The following TENM3 variants were observed in gnomAD, a reference collection of about 807,000 sequenced individuals.
The protein encoded by TENM3 is teneurin-3.
In TENM3, 63 loss-of-function variants were observed where a neutral mutation model predicts 255.1. The ratio of observed to expected loss-of-function variants is 0.25; its 90% CI spans 0.20 to 0.30. The LOEUF (loss-of-function observed/expected upper bound fraction) is 0.30, where lower values mean the gene tolerates loss of function less well. Among genes scored for constraint, TENM3 ranks in the 10% least tolerant of loss-of-function variants. The pLI is 1.00. For missense variants in TENM3, 2,929 were observed against 3,461.1 expected, an observed-to-expected ratio of 0.85 and a Z score of 3.86; for synonymous variants, 1,306 against 1,322.3, an observed-to-expected ratio of 0.99 and a Z score of 0.27.
chr4:182,562,020 A>ATAGG (rs1743242981), intron 3 of TENM3, among the ~76,000 whole-genome samples: 1 of 151,982 alleles, frequency 6.6e-6, no homozygotes, highest in Non-Finnish European at 1.5e-5. Flanking sequence ...AGATAGATAG[A>ATAGG]TAGATAGATA....
intron 3 of TENM3, among the ~76,000 whole-genome samples, chr4:182,577,754 A>G (rs1183450504): frequency 6.6e-6 from 1 of 152,184 alleles, no homozygotes; most frequent in African/African-American, 2.4e-5. Flanking sequence ...GCACATAGGT[A>G]ATAGTACTTA....
chr4:182,309,558 A>G (rs1762321103), intron 1 of TENM3, among the ~76,000 whole-genome samples: 1 of 152,212 alleles, frequency 6.6e-6, no homozygotes, highest in African/African-American at 2.4e-5. Context: ...TTCTACTACC[A>G]AGACAAAAAT....
chr4:182,002,356 G>A, the TENM3 span, among the ~76,000 whole-genome samples: 1 of 152,092 alleles, frequency 6.6e-6, no homozygotes, highest in Non-Finnish European at 1.5e-5. Flanking sequence ...CCCTTTAGGT[G>A]ATTGTCAGTA....
chr4:182,590,275 G>A (rs1200211854), intron 3 of TENM3, among the ~76,000 whole-genome samples: 1 of 152,026 alleles, frequency 6.6e-6, no homozygotes, highest in Non-Finnish European at 1.5e-5. Context: ...GACACTTCAA[G>A]GGTCCAGGCG....
the TENM3 span, among the ~76,000 whole-genome samples, chr4:182,007,302 G>A: frequency 2.0e-5 from 3 of 151,736 alleles, no homozygotes; most frequent in Admixed American, 6.6e-5. Context: ...TTGTCTCGCT[G>A]ATCTAATACT....
intron 14 of TENM3, 110 bp downstream of exon 14, chr4:182,729,291 T>C: frequency 1.1e-6 from 1 of 942,286 alleles, no homozygotes; most frequent in Admixed American, 2.7e-5. Flanking sequence ...GTTTTTTAAA[T>C]ACAGTTTTTC....
intron 2 of TENM3, among the ~76,000 whole-genome samples, chr4:182,340,746 G>C (rs1485647182): frequency 6.6e-6 from 1 of 152,160 alleles, no homozygotes; most frequent in Non-Finnish European, 1.5e-5. Flanking sequence ...ACATGGTGGT[G>C]CCACTGATTC....
intron 3 of TENM3, among the ~76,000 whole-genome samples, chr4:182,431,469 G>T (rs1205963949): frequency 2.0e-5 from 3 of 152,138 alleles, no homozygotes; most frequent in Non-Finnish European, 4.4e-5. Context: ...ACTCCAGCTG[G>T]CAACAAAGCG....
At chr4:182,025,051 T>C in the TENM3 span, among the ~76,000 whole-genome samples, 12,074 of 135,630 alleles carry the variant, frequency 0.089, 653 homozygotes, top group East Asian at 0.15. Context: ...TTTTTTGAGA[T>C]GGAGTCTTGC....
the TENM3 span, among the ~76,000 whole-genome samples, chr4:181,905,263 G>A: frequency 6.6e-6 from 1 of 152,102 alleles, no homozygotes; most frequent in African/African-American, 2.4e-5. Context: ...TTCACTTACT[G>A]GTGGTAAGCC....
the TENM3 span, among the ~76,000 whole-genome samples, chr4:181,782,262 G>A: frequency 6.6e-6 from 1 of 152,068 alleles, no homozygotes; most frequent in Non-Finnish European, 1.5e-5. Flanking sequence ...GACTTTTTTT[G>A]GTTGGTAGGC....
intron 24 of TENM3, among the ~76,000 whole-genome samples, chr4:182,784,056 C>T (rs538193926): frequency 2.6e-5 from 4 of 152,296 alleles, no homozygotes; most frequent in South Asian, 4.1e-4. Context: ...ACTCTCAGCT[C>T]GTCAGTCATT....
At chr4:181,500,592 T>A in the TENM3 span, among the ~76,000 whole-genome samples, 1 of 152,192 alleles carries the variant, frequency 6.6e-6, no homozygotes, top group Admixed American at 6.5e-5. Flanking sequence ...GTTTATTGTT[T>A]ATTACTGAAA....
chr4:181,536,135 TG>T, the TENM3 span, among the ~76,000 whole-genome samples: 1 of 152,204 alleles, frequency 6.6e-6, no homozygotes, highest in Admixed American at 6.5e-5. Context: ...CAACTTCTGG[TG>T]AATAATAGGT....
At chr4:182,324,354 G>A in intron 2 of TENM3, 102 bp downstream of exon 2, 1 of 842,348 alleles carries the variant, frequency 1.2e-6, no homozygotes, top group Admixed American at 2.0e-5. Context: ...TGACTTTGGC[G>A]TTCCATCTGC....
At chr4:182,044,989 C>T in the TENM3 span, among the ~76,000 whole-genome samples, 2 of 152,164 alleles carry the variant, frequency 1.3e-5, no homozygotes, top group African/African-American at 4.8e-5. Context: ...CTGATGATTA[C>T]AAGTATCTCT....
At chr4:181,630,410 A>G in the TENM3 span, among the ~76,000 whole-genome samples, 46 of 152,152 alleles carry the variant, frequency 3.0e-4, no homozygotes, top group Middle Eastern at 6.8e-3. Context: ...TTGCTTCTGT[A>G]GTTCTTTTAA....
At chr4:182,690,216 G>A (rs1375442809) in intron 12 of TENM3, among the ~76,000 whole-genome samples, 1 of 152,204 alleles carries the variant, frequency 6.6e-6, no homozygotes, top group Non-Finnish European at 1.5e-5. Flanking sequence ...CTTCCCGCCT[G>A]AAATCAACAA....
the TENM3 span, among the ~76,000 whole-genome samples, chr4:182,081,565 C>T: frequency 1.7e-5 from 2 of 116,668 alleles, no homozygotes; most frequent in Non-Finnish European, 3.2e-5. Flanking sequence ...GCCTGGGCGA[C>T]AGAGTGAGGC....
Sources: allele counts gnomAD v4.1 joint callset (sites outside exome capture counted in the v4.1 genomes callset), GRCh38; gene constraint gnomAD v4.1.1; transcripts MANE v1.5; gene names NCBI Gene and HGNC (gene_info 2026-07-23, HGNC 2026-07-21).